RUFY3: variants seen among roughly 807,000 people sequenced by gnomAD.
RUFY3 encodes protein RUFY3.
RUFY3 carries 34 observed loss-of-function variants against 84.0 expected under a neutral mutation model. The ratio of observed to expected loss-of-function variants is 0.40; its 90% CI spans 0.31 to 0.54. The LOEUF (loss-of-function observed/expected upper bound fraction) is 0.54. RUFY3 is among the 20% of genes least tolerant of loss of function. The pLI is 0.39. For missense variants in RUFY3, 507 were observed against 736.8 expected (o/e 0.69, Z 3.61); for synonymous variants, 242 against 252.9 (o/e 0.96, Z 0.41).
intron 14 of RUFY3, among the ~76,000 whole-genome samples, chr4:70,796,044 TA>T (rs1467549138): frequency 6.6e-6 from 1 of 152,114 alleles, no homozygotes; most frequent in East Asian, 1.9e-4. Flanking sequence ...TCACAAGTAT[TA>T]GCCAGGTGTG....
At chr4:70,705,239 C>T in exon 1 of RUFY3, 1 of 1,459,158 alleles carries the variant, frequency 6.9e-7, no homozygotes, top group Non-Finnish European at 9.0e-7. Flanking sequence ...CGCTGCCCTT[C>T]CTGCTGCTGA....
At chr4:70,713,456 G>A (rs1741222635) in intron 1 of RUFY3, among the ~76,000 whole-genome samples, 1 of 152,174 alleles carries the variant, frequency 6.6e-6, no homozygotes, top group African/African-American at 2.4e-5. Flanking sequence ...CAAGGCTGCT[G>A]GCCAAGGTGG....
chr4:70,789,537 C>A lies in RUFY3; in HGVS notation c.1282C>A (p.Arg428Ser). Residue 428 changes from arginine (R) to serine (S), a missense_variant, in exon 12 of 18, where the codon CGC becomes AGC. Arg to Ser is a moderately radical substitution (Grantham distance 110). Coordinates refer to ENST00000381006, the MANE Select transcript of RUFY3 (RefSeq NM_001037442.4). ...GVKQKSELNS[R>S]LEEKTNQMAA... ...AAAACAGAAAAGTGAACTAAACAGT[C>A]GCTTGGAAGAGAAGACTAATCAGAT... The A allele has an allele frequency of 1.2e-6, 2 of 1,612,758 alleles. No homozygotes were observed. The highest frequency in any genetic ancestry group is 1.1e-5 in the South Asian group (1 of 90,896).
chr4:70,727,502 G>A (rs1283353384), intron 1 of RUFY3, among the ~76,000 whole-genome samples: 2 of 150,620 alleles, frequency 1.3e-5, no homozygotes, highest in African/African-American at 4.9e-5. Context: ...ATTACAGGCA[G>A]ACGCCACCAC....
upstream of RUFY3, among the ~76,000 whole-genome samples, chr4:70,721,243 G>A (rs1420738131): frequency 6.6e-6 from 1 of 151,866 alleles, no homozygotes; most frequent in African/African-American, 2.4e-5. Context: ...CCTGGGAGCT[G>A]AGATCACGCC....
At chr4:70,733,078 AGAGAGAGAGAGAGAGAGG>A (rs1483583125) in intron 1 of RUFY3, among the ~76,000 whole-genome samples, 49 of 95,558 alleles carry the variant, frequency 5.1e-4, no homozygotes, top group African/African-American at 1.6e-3. Context: ...AAAGAAAGAG[AGAGAGAGAGAGAGAGAGG>A]AGAGAGAGAG....
At chr4:70,727,884 A>G (rs1170108548) in intron 1 of RUFY3, among the ~76,000 whole-genome samples, 35 of 152,156 alleles carry the variant, frequency 2.3e-4, no homozygotes, top group Admixed American at 2.2e-3. Context: ...TATTACCTTC[A>G]GTATTATTGA....
chr4:70,721,375 G>A (rs1370955144), upstream of RUFY3, among the ~76,000 whole-genome samples: 2 of 151,378 alleles, frequency 1.3e-5, no homozygotes, highest in African/African-American at 4.8e-5. Flanking sequence ...CAAAAAGGGG[G>A]GAAATTGCCA....
intron 7 of RUFY3, among the ~76,000 whole-genome samples, chr4:70,776,131 CA>C (rs1727926962): frequency 1.3e-5 from 2 of 152,064 alleles, no homozygotes; most frequent in Admixed American, 1.3e-4. Flanking sequence ...CTAAGACCCC[CA>C]AAGGATATCT....
chr4:70,796,358 C>T (rs1473138559), intron 14 of RUFY3, among the ~76,000 whole-genome samples: 1 of 152,220 alleles, frequency 6.6e-6, no homozygotes, highest in Admixed American at 6.5e-5. Flanking sequence ...TGCACCACTT[C>T]CACCTCTTCA....
At position 70,789,563 on chromosome 4, in the gene RUFY3, G is replaced by A; in HGVS notation, c.1308G>A (p.Met436Ile). ...GCTTGGAAGAGAAGACTAATCAGATGGCTGCTACCATTAAACAACTTGAAC... is the reference window on the plus strand; with the variant it reads ...GCTTGGAAGAGAAGACTAATCAGATAGCTGCTACCATTAAACAACTTGAAC... ...NSRLEEKTNQ[M>I]AATIKQLEQR... Residue 436 changes from methionine to isoleucine, a missense_variant, in exon 12 of 18, where the codon ATG becomes ATA. Met to Ile is a conservative substitution (Grantham distance 10). Transcript: ENST00000381006. 1 of 1,612,612 alleles carries A rather than the reference G, an allele frequency of 6.2e-7. No individual in the cohort carries two copies. The highest frequency in any genetic ancestry group is 8.5e-7 in the Non-Finnish European group (1 of 1,179,186).
intron 17 of RUFY3, 62 bp from the exon 18 acceptor site, chr4:70,806,454 A>G (rs1732857974): frequency 6.3e-7 from 1 of 1,585,904 alleles, no homozygotes; most frequent in African/African-American, 1.3e-5. Context: ...GGCTTTTTAT[A>G]TCCCATGAAT....
intron 4 of RUFY3, 124 bp downstream of exon 4, chr4:70,764,700 C>T (rs920530905): frequency 6.6e-6 from 4 of 606,734 alleles, no homozygotes; most frequent in African/African-American, 5.6e-5. Flanking sequence ...TTCACTGATA[C>T]TTTCTCTCAT....
At chr4:70,801,282 A>C (rs75329542) in intron 15 of RUFY3, among the ~76,000 whole-genome samples, 1 of 151,862 alleles carries the variant, frequency 6.6e-6, no homozygotes, top group South Asian at 2.1e-4. Flanking sequence ...GATGGTGGAT[A>C]CATGTCATTA....
In RUFY3 at chr4:70,794,804, T is replaced by G; in HGVS notation, c.1467T>G (p.Leu489=). 6.2e-7 allele frequency: 1 copy of G among 1,611,076 alleles called. No homozygotes were observed. Among genetic ancestry groups the G allele is most frequent in the South Asian group, 1.1e-5 (1 of 90,780 alleles). Residue 489 remains leucine, a synonymous_variant, in exon 14 of 18, where the codon CTT becomes CTG. Coordinates refer to ENST00000381006, the MANE Select transcript of RUFY3 (RefSeq NM_001037442.4). ...VEELTRQRNQ[L]ELELKQEKER... is the part of the protein sequence containing the mutation. ...CTCCAACTTACCTCAGGAACCAGCT[T>G]GAGTTAGAACTAAAACAGGAAAAAG...
chr4:70,782,069 T>A (rs1001815607), intron 8 of RUFY3, among the ~76,000 whole-genome samples: 3 of 152,204 alleles, frequency 2.0e-5, no homozygotes, highest in Admixed American at 6.5e-5. Context: ...GGAGTTCATG[T>A]CTTTAATCTT....
At chr4:70,710,974 A>G (rs1237152789) in intron 1 of RUFY3, among the ~76,000 whole-genome samples, 1 of 148,340 alleles carries the variant, frequency 6.7e-6, no homozygotes, top group Non-Finnish European at 1.5e-5. Flanking sequence ...CTGAGGCAGG[A>G]GAACCGCTTG....
chr4:70,733,078 A>AGAGAGAGAGAGAGAGAG (rs1459750465), intron 1 of RUFY3, among the ~76,000 whole-genome samples: 1 of 95,508 alleles, frequency 1.0e-5, no homozygotes, highest in African/African-American at 4.8e-5. Context: ...AAAGAAAGAG[A>AGAGAGAGAGAGAGAGAG]GAGAGAGAGA....
At chr4:70,742,559 C>T (rs923013003) in intron 1 of RUFY3, among the ~76,000 whole-genome samples, 1 of 152,230 alleles carries the variant, frequency 6.6e-6, no homozygotes, top group Admixed American at 6.5e-5. Flanking sequence ...TACTCTTTGA[C>T]AGCTTTGGCC....
Sources: gnomAD v4.1 joint callset for allele counts (sites outside exome capture counted in the v4.1 genomes callset) on GRCh38, gnomAD v4.1.1 for gene constraint, MANE v1.5 for transcripts, NCBI Gene and HGNC (gene_info 2026-07-23, HGNC 2026-07-21) for gene names.